CNKSR3: variants seen among roughly 807,000 people sequenced by gnomAD.
CNKSR3 encodes connector enhancer of kinase suppressor of ras 3.
A neutral mutation model predicts 67.7 loss-of-function variants in CNKSR3; 36 were observed. That is an observed-to-expected ratio of 0.53 (90% CI 0.41 to 0.70). The LOEUF (loss-of-function observed/expected upper bound fraction) is 0.70, where lower values mean the gene tolerates loss of function less well. Ranked by LOEUF, CNKSR3 falls within the 30% of genes least tolerant of loss-of-function variation. The probability of loss-of-function intolerance (pLI) is 0.00; values close to 1 mark genes in which losing one functional copy is unlikely to be tolerated. For synonymous variants in CNKSR3, 281 were observed against 271.4 expected, an observed-to-expected ratio of 1.04 and a Z score of -0.35; for missense variants, 630 against 695.2, an observed-to-expected ratio of 0.91 and a Z score of 1.05.
intron 1 of CNKSR3, among the ~76,000 whole-genome samples, chr6:154,479,061 G>A (rs1786511812): frequency 7.0e-6 from 1 of 142,498 alleles, no homozygotes; most frequent in East Asian, 2.3e-4. Flanking sequence ...TTCTTTTCTG[G>A]TTTTGTTTTT....
At chr6:154,450,489 C>A (rs1056348450) in intron 1 of CNKSR3, among the ~76,000 whole-genome samples, 1 of 152,214 alleles carries the variant, frequency 6.6e-6, no homozygotes, top group Non-Finnish European at 1.5e-5. Context: ...ATGATAGTTA[C>A]CTTCTCATTC....
At chr6:154,410,527 A>T in intron 11 of CNKSR3, 95 bp from the exon 12 acceptor site, 1 of 754,502 alleles carries the variant, frequency 1.3e-6, no homozygotes. Flanking sequence ...TCACAATACC[A>T]CACCCACTTA....
chr6:154,488,428 CCTT>C (rs1786720981), intron 1 of CNKSR3, among the ~76,000 whole-genome samples: 1 of 152,104 alleles, frequency 6.6e-6, no homozygotes, highest in Admixed American at 6.5e-5. Flanking sequence ...TTCCTTTTCT[CCTT>C]AATTCATGAG....
intron 1 of CNKSR3, among the ~76,000 whole-genome samples, chr6:154,508,102 T>G (rs1340669297): frequency 6.6e-6 from 1 of 152,218 alleles, no homozygotes; most frequent in Non-Finnish European, 1.5e-5. Flanking sequence ...GGTGATAAGA[T>G]GTAACCCTTT....
chr6:154,477,740 G>A (rs1786483448), intron 1 of CNKSR3, among the ~76,000 whole-genome samples: 1 of 152,302 alleles, frequency 6.6e-6, no homozygotes, highest in South Asian at 2.1e-4. Flanking sequence ...TGAAGAGCAG[G>A]ACTGCTAATG....
At chr6:154,497,475 CG>C (rs1786903108) in intron 1 of CNKSR3, among the ~76,000 whole-genome samples, 1 of 152,118 alleles carries the variant, frequency 6.6e-6, no homozygotes, top group African/African-American at 2.4e-5. Flanking sequence ...TGCCAGCTTC[CG>C]GACACGGATT....
chr6:154,506,931 T>C (rs1195931395), intron 1 of CNKSR3, among the ~76,000 whole-genome samples: 1 of 152,210 alleles, frequency 6.6e-6, no homozygotes, highest in Non-Finnish European at 1.5e-5. Flanking sequence ...AATGTAAAGA[T>C]TGTCGGTGTG....
At chr6:154,462,749 G>A (rs1276270164) in intron 1 of CNKSR3, among the ~76,000 whole-genome samples, 1 of 152,116 alleles carries the variant, frequency 6.6e-6, no homozygotes, top group Admixed American at 6.5e-5. Context: ...AGCTGGCCAC[G>A]GTATATGAAG....
At chr6:154,457,268 C>A (rs1452689691) in intron 1 of CNKSR3, among the ~76,000 whole-genome samples, 2 of 152,154 alleles carry the variant, frequency 1.3e-5, no homozygotes, top group African/African-American at 4.8e-5. Context: ...CCTCCGAGTG[C>A]CCTTTCGTGA....
intron 1 of CNKSR3, among the ~76,000 whole-genome samples, chr6:154,461,758 TTATAAGTAAC>T (rs1219885865): frequency 6.6e-6 from 1 of 152,246 alleles, no homozygotes; most frequent in East Asian, 1.9e-4. Flanking sequence ...GGGGCTCAGC[TTATAAGTAAC>T]TGGCCTAAAG....
intron 9 of CNKSR3, among the ~76,000 whole-genome samples, chr6:154,420,740 CTAAGTTGCTATAACACTTGTAGATTT>C (rs1785128153): frequency 6.8e-6 from 1 of 147,846 alleles, no homozygotes; most frequent in Non-Finnish European, 1.5e-5. Flanking sequence ...TAGAAAATTG[CTAAGTTGCTATAACACTTGTAGATTT>C]TAAGTGTTCT....
intron 9 of CNKSR3, 164 bp from the exon 10 acceptor site, chr6:154,414,587 C>A (rs1784979959): frequency 2.7e-6 from 2 of 750,564 alleles, no homozygotes; most frequent in Non-Finnish European, 4.7e-6. Context: ...TTACATTCTT[C>A]TTTGAAACCT....
intron 9 of CNKSR3, among the ~76,000 whole-genome samples, chr6:154,419,331 C>A (rs183534863): frequency 7.2e-5 from 11 of 152,244 alleles, no homozygotes; most frequent in Admixed American, 7.2e-4. Flanking sequence ...AGGCATGAGC[C>A]CCTGCAGCCA....
intron 4 of CNKSR3, among the ~76,000 whole-genome samples, chr6:154,438,346 A>G (rs925530576): frequency 6.6e-6 from 1 of 152,092 alleles, no homozygotes; most frequent in Non-Finnish European, 1.5e-5. Flanking sequence ...TTCGTATACA[A>G]GTTTGTATAG....
intron 1 of CNKSR3, among the ~76,000 whole-genome samples, chr6:154,498,173 T>A (rs925078859): frequency 6.6e-6 from 1 of 152,140 alleles, no homozygotes; most frequent in Non-Finnish European, 1.5e-5. Flanking sequence ...CGGAATTAGG[T>A]AAATAGGAAA....
intron 1 of CNKSR3, among the ~76,000 whole-genome samples, chr6:154,488,915 T>C (rs903132914): frequency 3.3e-5 from 5 of 152,180 alleles, no homozygotes; most frequent in African/African-American, 1.2e-4. Flanking sequence ...AAATGGAAGC[T>C]TTCCCAGAAC....
chr6:154,418,955 C>CA (rs760812411), intron 9 of CNKSR3, among the ~76,000 whole-genome samples: 8,849 of 86,966 alleles, frequency 0.1, 286 homozygotes, highest in Middle Eastern at 0.28. Flanking sequence ...AACTCAACAG[C>CA]AAAAAAAAAA....
chr6:154,474,996 G>A (rs1252594307), intron 1 of CNKSR3, among the ~76,000 whole-genome samples: 1 of 152,198 alleles, frequency 6.6e-6, no homozygotes, highest in African/African-American at 2.4e-5. Context: ...ACCATTTACT[G>A]AGCATATACT....
intron 1 of CNKSR3, among the ~76,000 whole-genome samples, chr6:154,477,229 C>T (rs1025988962): frequency 6.6e-6 from 1 of 151,982 alleles, no homozygotes; most frequent in Admixed American, 6.6e-5. Flanking sequence ...AACATTATAA[C>T]ATCATGGCTT....
Sources: allele counts gnomAD v4.1 joint callset (sites outside exome capture counted in the v4.1 genomes callset), GRCh38; gene constraint gnomAD v4.1.1; transcripts MANE v1.5; gene names NCBI Gene and HGNC (gene_info 2026-07-23, HGNC 2026-07-21).